NDUFB9: variants seen among roughly 807,000 people sequenced by gnomAD.
NDUFB9 encodes the protein NADH dehydrogenase [ubiquinone] 1 beta subcomplex subunit 9.
In NDUFB9, 24 loss-of-function variants were observed where a neutral mutation model predicts 30.2. The observed-to-expected ratio is 0.80, with a 90% CI of 0.58 to 1.12. NDUFB9 has a LOEUF of 1.12. Among genes scored for constraint, NDUFB9 ranks in the 50% most tolerant of loss-of-function variants. The probability of loss-of-function intolerance (pLI) is 0.00; values close to 1 mark genes in which losing one functional copy is unlikely to be tolerated. For synonymous variants in NDUFB9, 80 were observed against 84.0 expected (o/e 0.95, Z 0.26); for missense variants, 204 against 226.0 (o/e 0.90, Z 0.62).
Position 124,539,213 on chromosome 8 carries a change from C to T in NDUFB9, c.27C>T (p.Tyr9=). 1 of 1,614,216 alleles carries T rather than the reference C, an allele frequency of 6.2e-7. No homozygotes were observed. The highest frequency in any genetic ancestry group is 1.1e-5 in the South Asian group (1 of 91,092). Residue 9 remains tyrosine, a synonymous_variant, in exon 1 of 4, where the codon TAC becomes TAT. Coordinates refer to ENST00000276689, the MANE Select transcript of NDUFB9 (RefSeq NM_005005.3). MAFLASGP[Y]LTHQQKVLRL... ...TGGCGTTCTTGGCGTCGGGACCCTA[C>T]CTGACCCATCAGCAAAAGGTGTTGC...
rs573767274 is a variant in NDUFB9 at position 124,540,369 on chromosome 8, G to T, written c.101+1082G>T. Among the ~76,000 whole-genome samples, 118 of 152,280 alleles carry T rather than the reference G, an allele frequency of 7.7e-4. 1 individual carries two copies. The highest frequency in any genetic ancestry group is 3.4e-3 in the Middle Eastern group (1 of 294). On this transcript the variant is annotated intron_variant, in intron 1 of 3. Coordinates refer to ENST00000276689, the MANE Select transcript of NDUFB9 (RefSeq NM_005005.3). ...CATTTTTGAGCAGCAGCAGCTCACG[G>T]ATTAGTGGGGAAAATGGACATGTAA... is the stretch of plus-strand genomic sequence containing the variant.
intron 2 of NDUFB9, among the ~76,000 whole-genome samples, chr8:124,546,475 T>G (rs1018024278): frequency 6.6e-6 from 1 of 152,242 alleles, no homozygotes; most frequent in Non-Finnish European, 1.5e-5. Flanking sequence ...ATTTGCTATA[T>G]TGCAGCGGTC....
intron 3 of NDUFB9, among the ~76,000 whole-genome samples, chr8:124,548,668 G>A (rs1374032647): frequency 6.6e-6 from 1 of 152,176 alleles, no homozygotes; most frequent in Non-Finnish European, 1.5e-5. Context: ...GTTGCTCAGA[G>A]AGTGACAAGG....
At chr8:124,549,477 AG>A (rs1822276135) in intron 3 of NDUFB9, among the ~76,000 whole-genome samples, 1 of 152,160 alleles carries the variant, frequency 6.6e-6, no homozygotes, top group Non-Finnish European at 1.5e-5. Context: ...GCAGAATAAG[AG>A]GAGGTCCAGA....
At chr8:124,549,271 A>G (rs1226354498) in intron 3 of NDUFB9, among the ~76,000 whole-genome samples, 2 of 152,162 alleles carry the variant, frequency 1.3e-5, no homozygotes, top group Non-Finnish European at 2.9e-5. Context: ...TTTACATGTA[A>G]TTTTGTGATT....
rs747887062 is a variant in NDUFB9, at chr8:124,539,212, A to T, written c.26A>T (p.Tyr9Phe). 6.2e-7 allele frequency: 1 copy of T among 1,614,098 alleles called. No homozygotes were observed. Among genetic ancestry groups the T allele is most frequent in the Admixed American group, 1.7e-5 (1 of 60,022 alleles). The change falls in exon 1 of 4, where the codon TAC becomes TTC. Residue 9 changes from tyrosine to phenylalanine, a missense_variant. By Grantham distance (22) the Tyr-to-Phe change is conservative. Coordinates refer to ENST00000276689, the MANE Select transcript of NDUFB9 (RefSeq NM_005005.3). MAFLASGP[Y>F]LTHQQKVLRL... is the part of the protein sequence containing the mutation. Reference sequence around the variant, plus strand: ...ATGGCGTTCTTGGCGTCGGGACCCTACCTGACCCATCAGCAAAAGGTGTTG... The same window carrying T: ...ATGGCGTTCTTGGCGTCGGGACCCTTCCTGACCCATCAGCAAAAGGTGTTG...
chr8:124,546,117 C>A (rs557353472), intron 2 of NDUFB9, among the ~76,000 whole-genome samples: 2 of 152,230 alleles, frequency 1.3e-5, no homozygotes, highest in Non-Finnish European at 1.5e-5. Flanking sequence ...GCTGGGATTA[C>A]AGGCGTGAGC....
chr8:124,547,234 A>G (rs751632872), intron 3 of NDUFB9, 121 bp downstream of exon 3: 11 of 759,948 alleles, frequency 1.4e-5, no homozygotes, highest in Non-Finnish European at 1.9e-5. Context: ...CTTCTCAGAT[A>G]TACTTTAGTA....
intron 1 of NDUFB9, 111 bp downstream of exon 1, chr8:124,539,398 T>A (rs891251763): frequency 9.5e-6 from 9 of 952,276 alleles, no homozygotes; most frequent in Admixed American, 1.9e-5. Context: ...AATTGGAAGG[T>A]GGCCTCTCGC....
chr8:124,547,941 C>T lies in NDUFB9; in HGVS notation c.408+828C>T, dbSNP rs138268437. Among the ~76,000 whole-genome samples, 289 of 151,882 alleles carry T rather than the reference C, an allele frequency of 1.9e-3. 2 individuals are homozygous for T. The highest frequency in any genetic ancestry group is 6.5e-3 in the African/African-American group (270 of 41,388). On this transcript the variant is annotated intron_variant, in intron 3 of 3. Coordinates refer to ENST00000276689, the MANE Select transcript of NDUFB9 (RefSeq NM_005005.3). ...TGGAGGTTGCAATGAGCTGACATCG[C>T]GCCACTGCATTCCAGCCTGGGCGAC...
intron 1 of NDUFB9, among the ~76,000 whole-genome samples, chr8:124,540,111 A>G (rs1821882429): frequency 6.6e-6 from 1 of 152,210 alleles, no homozygotes; most frequent in South Asian, 2.1e-4. Flanking sequence ...CTCTATGGAA[A>G]ATGGAGTAGG....
chr8:124,543,910 C>T (rs1377189987), intron 2 of NDUFB9, among the ~76,000 whole-genome samples: 3 of 152,172 alleles, frequency 2.0e-5, no homozygotes, highest in Non-Finnish European at 4.4e-5. Context: ...CACGTCTCTT[C>T]CTTTAAATCA....
intron 3 of NDUFB9, among the ~76,000 whole-genome samples, chr8:124,549,358 G>A (rs1822270781): frequency 6.6e-6 from 1 of 152,176 alleles, no homozygotes; most frequent in Non-Finnish European, 1.5e-5. Flanking sequence ...GTTTCTTAAT[G>A]GTGCTTTTGG....
chr8:124,539,208 C>A lies in NDUFB9; in HGVS notation c.22C>A (p.Pro8Thr), dbSNP rs1821803004. The A allele has an allele frequency of 6.2e-7, 1 of 1,614,090 alleles. No homozygotes were observed. The highest frequency in any genetic ancestry group is 1.3e-5 in the African/African-American group (1 of 74,928). Reference sequence around the variant, plus strand: ...CGTAATGGCGTTCTTGGCGTCGGGACCCTACCTGACCCATCAGCAAAAGGT... The same window carrying A: ...CGTAATGGCGTTCTTGGCGTCGGGAACCTACCTGACCCATCAGCAAAAGGT... MAFLASG[P>T]YLTHQQKVLR... is the part of the protein sequence containing the mutation. Residue 8 changes from proline (P) to threonine (T), a missense_variant, in exon 1 of 4, where the codon CCC becomes ACC. Transcript: ENST00000276689.
intron 2 of NDUFB9, among the ~76,000 whole-genome samples, chr8:124,545,686 A>G (rs1305464185): frequency 6.6e-6 from 1 of 151,860 alleles, no homozygotes; most frequent in Non-Finnish European, 1.5e-5. Context: ...ACAACACCAC[A>G]CCTAGCTAAT....
chr8:124,539,328 GGGCCCCATGGAGGTGGAGA>G (rs1315199271), intron 1 of NDUFB9, 41 bp downstream of exon 1: 4 of 1,602,096 alleles, frequency 2.5e-6, no homozygotes, highest in Non-Finnish European at 3.4e-6. Context: ...GTGACCCTCG[GGGCCCCATGGAGGTGGAGA>G]GGCCCCTGGG....
intron 3 of NDUFB9, among the ~76,000 whole-genome samples, chr8:124,548,612 T>G (rs1337004829): frequency 6.6e-6 from 1 of 152,194 alleles, no homozygotes; most frequent in Non-Finnish European, 1.5e-5. Flanking sequence ...TTAGCAATAC[T>G]AAGCTGTATG....
chr8:124,542,807 CTTTTTTTT>C (rs58685573), intron 1 of NDUFB9: 74 of 204,114 alleles, frequency 3.6e-4, no homozygotes, highest in Non-Finnish European at 3.6e-4. Context: ...ATGCTCTTTT[CTTTTTTTT>C]TTTTTTTTTT....
chr8:124,541,610 T>A (rs993385989), intron 1 of NDUFB9, among the ~76,000 whole-genome samples: 1 of 152,252 alleles, frequency 6.6e-6, no homozygotes, highest in Non-Finnish European at 1.5e-5. Context: ...TTTTTTTGTT[T>A]GTTTTTTTGT....
Sources: allele counts gnomAD v4.1 joint callset (sites outside exome capture counted in the v4.1 genomes callset), GRCh38; gene constraint gnomAD v4.1.1; transcripts MANE v1.5; gene names NCBI Gene and HGNC (gene_info 2026-07-23, HGNC 2026-07-21).